CIB2: variants seen among roughly 807,000 people sequenced by gnomAD.
The protein encoded by CIB2 is calcium and integrin-binding family member 2.
Under a neutral mutation model 23.1 loss-of-function variants are expected in CIB2, and 19 were observed. The observed-to-expected ratio is 0.82, with a 90% CI of 0.57 to 1.21. The LOEUF (loss-of-function observed/expected upper bound fraction) is 1.21. Ranked by LOEUF, CIB2 falls within the 50% of genes most tolerant of loss-of-function variation. The pLI is 0.00. For missense variants in CIB2, 220 were observed against 241.5 expected (o/e 0.91, Z 0.59); for synonymous variants, 94 against 91.7 (o/e 1.03, Z -0.14).
chr15:78,119,395 A>G (rs917401048), intron 2 of CIB2, among the ~76,000 whole-genome samples: 2 of 152,176 alleles, frequency 1.3e-5, no homozygotes, highest in African/African-American at 2.4e-5. Flanking sequence ...TTGTGGGTGT[A>G]CAAACATCTC....
intron 4 of CIB2, among the ~76,000 whole-genome samples, chr15:78,106,370 C>T (rs984433499): frequency 6.6e-6 from 1 of 152,214 alleles, no homozygotes; most frequent in African/African-American, 2.4e-5. Flanking sequence ...GGGATTCTGA[C>T]TAGGGCCTAT....
Position 78,111,270 on chromosome 15 carries a change from A to C in CIB2, c.93T>G (p.His31Gln). 1 of 1,613,738 alleles carries C rather than the reference A, an allele frequency of 6.2e-7. No homozygotes were observed. The highest frequency in any genetic ancestry group is 8.5e-7 in the Non-Finnish European group (1 of 1,179,736). ...TGGGGGCCAGCTCATAGAATCGCGAATGCAGCCTTGGAGGAAAGCAGAGAA... is the reference window on the plus strand; with the variant it reads ...TGGGGGCCAGCTCATAGAATCGCGACTGCAGCCTTGGAGGAAAGCAGAGAA... The part of the protein sequence containing the change: ...FFNKKDILKL[H>Q]SRFYELAPNL... Residue 31 changes from histidine (H) to glutamine (Q), a missense_variant, in exon 3 of 6, where the codon CAT (histidine) becomes CAG (glutamine). His to Gln is a conservative substitution (Grantham distance 24). Transcript: ENST00000258930.
chr15:78,115,379 C>T (rs986370474), intron 2 of CIB2, among the ~76,000 whole-genome samples: 3 of 151,812 alleles, frequency 2.0e-5, no homozygotes, highest in South Asian at 4.2e-4. Context: ...CATGCCTCGG[C>T]CTCCCAAGTA....
At position 78,109,332 on chromosome 15, in the gene CIB2, C is replaced by G. The variant is rs761645500; in HGVS notation, c.249G>C (p.Glu83Asp). Residue 83 changes from glutamate to aspartate, a missense_variant, in exon 4 of 6, where the codon GAG (glutamate) becomes GAC (aspartate). Coordinates refer to ENST00000258930, the MANE Select transcript of CIB2 (RefSeq NM_006383.4). Reference protein sequence around the residue: ...RIVAAFSEDGEGNLTFNDFVD... With the variant: ...RIVAAFSEDGDGNLTFNDFVD... ...CAAAGTCGTTGAAAGTGAGGTTCCC[C>G]TCACCATCCTCGGAAAACGCCGCCA... 1 of 1,614,042 alleles carries G rather than the reference C, an allele frequency of 6.2e-7. No homozygotes were observed. Among genetic ancestry groups the G allele is most frequent in the African/African-American group, 1.3e-5 (1 of 74,902 alleles).
At chr15:78,116,033 T>C (rs1423346079) in intron 2 of CIB2, among the ~76,000 whole-genome samples, 2 of 152,070 alleles carry the variant, frequency 1.3e-5, no homozygotes, top group Non-Finnish European at 2.9e-5. Flanking sequence ...GCTAAACATG[T>C]ATAGATTTTT....
In CIB2 at chr15:78,105,090, G is replaced by C; in HGVS notation, c.*221C>G. The stretch of plus-strand genomic sequence containing the variant: ...GCGGAGGGCCTGGAGAGAGGCCATG[G>C]GTCCCGGGGCTGGACCACAGCGGGG... On this transcript the variant is annotated 3_prime_UTR_variant, in exon 6 of 6. Transcript: ENST00000258930. The C allele has an allele frequency of 1.7e-6, 1 of 595,996 alleles. No homozygotes were observed. The highest frequency in any genetic ancestry group is 2.9e-6 in the Non-Finnish European group (1 of 344,456). 36.9% of individuals were successfully genotyped at this position (595,996 alleles called of 1,614,324 possible). A position where few individuals can be genotyped will look rare whatever the true frequency, so the allele number is the denominator to read the frequency against.
intron 2 of CIB2, among the ~76,000 whole-genome samples, chr15:78,115,904 T>C (rs115139684): frequency 0.025 from 3,789 of 152,102 alleles, 158 homozygotes; most frequent in African/African-American, 0.088. Flanking sequence ...ACCATTATTA[T>C]ATAACATTTC....
chr15:78,124,941 G>A (rs2074363645), intron 1 of CIB2, among the ~76,000 whole-genome samples: 1 of 152,202 alleles, frequency 6.6e-6, no homozygotes, highest in Non-Finnish European at 1.5e-5. Context: ...GGTGCCTTCG[G>A]GAGAGCTGAA....
intron 1 of CIB2, among the ~76,000 whole-genome samples, chr15:78,128,246 C>T (rs902581671): frequency 6.6e-6 from 1 of 152,104 alleles, no homozygotes; most frequent in Non-Finnish European, 1.5e-5. Context: ...CTGGCCTGGA[C>T]AGAAAGATGG....
chr15:78,120,182 G>A (rs1037993037), intron 2 of CIB2, among the ~76,000 whole-genome samples: 11 of 152,146 alleles, frequency 7.2e-5, no homozygotes, highest in African/African-American at 2.7e-4. Context: ...AGGATTACAG[G>A]TGTGAGCCAA....
At position 78,131,114 on chromosome 15, in the gene CIB2, G is replaced by T; in HGVS notation, c.51+51C>A. 1 of 1,489,762 alleles carries T rather than the reference G, an allele frequency of 6.7e-7. No homozygotes were observed. The allele number at this position is 1,489,762 out of a possible 1,614,324, so 92.3% of individuals were successfully genotyped here. A position where few individuals can be genotyped will look rare whatever the true frequency, so the allele number is the denominator to read the frequency against. Reference sequence around the variant, plus strand: ...TCGGCCAGCGACCGAGAAAAGGGAGGGGCGGCGGGGCGGCGGGGCCTGTGT... The same window carrying T: ...TCGGCCAGCGACCGAGAAAAGGGAGTGGCGGCGGGGCGGCGGGGCCTGTGT... On this transcript the variant is annotated intron_variant, in intron 1 of 5. Transcript: ENST00000258930. This position sits in a 1 kb window ranked among gnomAD's most constrained non-coding sequence, Gnocchi z 5.8.
At chr15:78,110,707 G>A (rs1483905650) in intron 3 of CIB2, 1 of 456,296 alleles carries the variant, frequency 2.2e-6, no homozygotes, top group Non-Finnish European at 4.4e-6. Flanking sequence ...CATGTACTGA[G>A]CCTGAATTGG....
chr15:78,110,299 G>T (rs149398603), intron 3 of CIB2, among the ~76,000 whole-genome samples: 1 of 152,356 alleles, frequency 6.6e-6, no homozygotes, highest in African/African-American at 2.4e-5. Flanking sequence ...AGACCACTTG[G>T]GTCCTACCCA....
intron 4 of CIB2, among the ~76,000 whole-genome samples, chr15:78,106,457 G>A (rs1341524064): frequency 2.6e-5 from 4 of 152,170 alleles, no homozygotes; most frequent in African/African-American, 9.7e-5. Context: ...CGGTGGGTCA[G>A]GAGACTCAAA....
intron 1 of CIB2, 98 bp from the exon 2 acceptor site, chr15:78,123,837 G>T: frequency 7.4e-7 from 1 of 1,357,098 alleles, no homozygotes. Flanking sequence ...GGATAGCTCC[G>T]GACTGGGGAC....
chr15:78,118,338 A>G (rs1290833516), intron 2 of CIB2, among the ~76,000 whole-genome samples: 1 of 152,118 alleles, frequency 6.6e-6, no homozygotes, highest in Admixed American at 6.6e-5. Context: ...CACGCCTGTA[A>G]TCCCAGCACT....
At chr15:78,125,546 A>G (rs1257375635) in intron 1 of CIB2, among the ~76,000 whole-genome samples, 1 of 152,118 alleles carries the variant, frequency 6.6e-6, no homozygotes, top group Admixed American at 6.5e-5. Context: ...CCCTGTCACA[A>G]TTACTTACAC....
chr15:78,128,095 T>C (rs944208249), intron 1 of CIB2, among the ~76,000 whole-genome samples: 4 of 152,200 alleles, frequency 2.6e-5, no homozygotes, highest in Non-Finnish European at 4.4e-5. Flanking sequence ...AGCTGGAGTG[T>C]AAACAGTGAG....
At chr15:78,126,917 A>C (rs192360583) in intron 1 of CIB2, among the ~76,000 whole-genome samples, 1 of 152,304 alleles carries the variant, frequency 6.6e-6, no homozygotes, top group African/African-American at 2.4e-5. Flanking sequence ...AAAGCTTCTC[A>C]GGGCTCAGGG....
Sources: gnomAD v4.1 joint callset for allele counts (sites outside exome capture counted in the v4.1 genomes callset) on GRCh38, gnomAD v4.1.1 for gene constraint, Gnocchi (gnomAD v3.1) non-coding constraint, MANE v1.5 for transcripts, NCBI Gene and HGNC (gene_info 2026-07-23, HGNC 2026-07-21) for gene names.